SH3D19: variants seen among roughly 807,000 people sequenced by gnomAD.
SH3D19 encodes the protein SH3 domain containing 19, also known as SH3 domain-containing protein 19.
In SH3D19, 58 loss-of-function variants were observed where a neutral mutation model predicts 112.1. The ratio of observed to expected loss-of-function variants is 0.52; its 90% confidence interval spans 0.42 to 0.64. The LOEUF (loss-of-function observed/expected upper bound fraction) is 0.64, where lower values mean the gene tolerates loss of function less well. Among genes scored for constraint, SH3D19 ranks in the 30% least tolerant of loss-of-function variants. SH3D19 has a pLI of 0.00. For missense variants in SH3D19, 1,090 were observed against 1,263.4 expected (o/e 0.86, Z 2.08); for synonymous variants, 391 against 448.5 (o/e 0.87, Z 1.62).
intron 1 of SH3D19, among the ~76,000 whole-genome samples, chr4:151,254,297 T>TTATTTA (rs143764897): frequency 2.0e-5 from 3 of 149,722 alleles, no homozygotes; most frequent in Non-Finnish European, 4.5e-5. Context: ...TTTTTTTTAT[T>TTATTTA]TTTATTTATT....
rs1314857195 is a variant in SH3D19 at position 151,174,977 on chromosome 4, A to G, written c.1227T>C (p.Ser409=). 6.2e-7 allele frequency: 1 copy of G among 1,614,222 alleles called. No individual in the cohort carries two copies. The highest frequency in any genetic ancestry group is 8.5e-7 in the Non-Finnish European group (1 of 1,180,038). The change falls in exon 7 of 20, where the codon TCT becomes TCC. Residue 409 remains serine, a synonymous_variant. Transcript: ENST00000604030. The part of the protein sequence containing the change: ...IPGRGPLAES[S]DSGKKVPTPA... ...GAGTTGGCACTTTCTTCCCACTATC[A>G]GAGCTCTCAGCCAGGGGCCCTCTTC...
At position 151,133,356 on chromosome 4, in the gene SH3D19, G is replaced by C. The variant is rs1561202460; in HGVS notation, c.2487-120C>G. The C allele has an allele frequency of 5.2e-6, 4 of 774,150 alleles. No homozygotes were observed. In the East Asian group the frequency reaches 1.1e-4, roughly 21 times the overall value. 48.0% of individuals were successfully genotyped at this position (774,150 alleles called of 1,614,324 possible). On this transcript the variant is annotated intron_variant, in intron 15 of 19. Coordinates refer to ENST00000604030, the MANE Select transcript of SH3D19 (RefSeq NM_001378122.1). ...GTTTACCATGGAATAAGGTATACTA[G>C]GCTAATTTGAAATTATTCCATGAAA...
intron 9 of SH3D19, among the ~76,000 whole-genome samples, chr4:151,150,079 G>C (rs940648682): frequency 2.7e-5 from 4 of 148,706 alleles, no homozygotes; most frequent in Admixed American, 6.8e-5. Context: ...CAGCTACTTG[G>C]GAGGCTGAGG....
intron 2 of SH3D19, among the ~76,000 whole-genome samples, chr4:151,194,403 G>A (rs1763100714): frequency 1.3e-5 from 2 of 151,964 alleles, no homozygotes; most frequent in South Asian, 4.2e-4. Flanking sequence ...CTAAAGAGGT[G>A]TCTATTAAAT....
At chr4:151,212,438 G>A (rs1363800987) in intron 2 of SH3D19, among the ~76,000 whole-genome samples, 1 of 152,102 alleles carries the variant, frequency 6.6e-6, no homozygotes, top group East Asian at 1.9e-4. Flanking sequence ...AGGGGCACCT[G>A]GCCTCATTTA....
intron 11 of SH3D19, chr4:151,144,351 C>T: frequency 6.7e-7 from 1 of 1,492,578 alleles, no homozygotes; most frequent in East Asian, 2.3e-5. Flanking sequence ...AGTTGCTGAT[C>T]ATTTAGGAAT....
At chr4:151,255,908 C>A (rs899521860) in intron 1 of SH3D19, among the ~76,000 whole-genome samples, 2 of 151,920 alleles carry the variant, frequency 1.3e-5, no homozygotes, top group Non-Finnish European at 2.9e-5. Context: ...CGCAGGCATT[C>A]GGCAGGCTGT....
chr4:151,184,531 C>CA (rs528522449), intron 3 of SH3D19, among the ~76,000 whole-genome samples: 7 of 152,056 alleles, frequency 4.6e-5, no homozygotes, highest in African/African-American at 1.4e-4. Context: ...AGTTAAAAAC[C>CA]AAAAAAACAC....
intron 9 of SH3D19, among the ~76,000 whole-genome samples, chr4:151,158,602 C>G (rs577668501): frequency 1.0e-3 from 152 of 151,194 alleles, no homozygotes; most frequent in Non-Finnish European, 1.9e-3. Context: ...GTCCAGCCAC[C>G]TTTATTCTTT....
intron 1 of SH3D19, among the ~76,000 whole-genome samples, chr4:151,240,135 T>C (rs1198196534): frequency 6.6e-6 from 1 of 151,784 alleles, no homozygotes; most frequent in African/African-American, 2.4e-5. Flanking sequence ...CTGGGCACAA[T>C]GTTATGGGCC....
intron 1 of SH3D19, among the ~76,000 whole-genome samples, chr4:151,321,008 T>G (rs1349400159): frequency 6.6e-6 from 1 of 151,954 alleles, no homozygotes; most frequent in Non-Finnish European, 1.5e-5. Context: ...ACCACAGCAC[T>G]CCAGCCTGGG....
intron 2 of SH3D19, among the ~76,000 whole-genome samples, chr4:151,190,265 T>C (rs1762418081): frequency 6.6e-6 from 1 of 152,144 alleles, no homozygotes; most frequent in Non-Finnish European, 1.5e-5. Context: ...TTGGGGAAAT[T>C]TGCAGCCTGA....
At chr4:151,152,446 T>C (rs747713551) in intron 9 of SH3D19, among the ~76,000 whole-genome samples, 2 of 152,304 alleles carry the variant, frequency 1.3e-5, no homozygotes, top group African/African-American at 4.8e-5. Flanking sequence ...TCCATCTTTT[T>C]GTTCATCTGC....
intron 9 of SH3D19, among the ~76,000 whole-genome samples, chr4:151,158,650 G>C (rs1411516860): frequency 1.4e-5 from 2 of 145,750 alleles, no homozygotes; most frequent in Middle Eastern, 3.6e-3. Context: ...CTGCATGTCT[G>C]TTTCCCCAAG....
intron 2 of SH3D19, among the ~76,000 whole-genome samples, chr4:151,200,882 T>C (rs1764300062): frequency 6.6e-6 from 1 of 152,214 alleles, no homozygotes; most frequent in Non-Finnish European, 1.5e-5. Flanking sequence ...ATCTTACTCA[T>C]TAATATAAAC....
Position 151,282,072 on chromosome 4 carries a change from A to T in SH3D19, c.112+43169T>A, listed in dbSNP as rs949619691. 4.7e-6 allele frequency: 7 copies of T among 1,482,278 alleles called. No homozygotes were observed. In the African/African-American group the frequency reaches 9.7e-5, roughly 21 times the overall value. 91.8% of individuals were successfully genotyped at this position (1,482,278 alleles called of 1,614,324 possible). The stretch of plus-strand genomic sequence containing the variant: ...GGCTACCCTCCTTTCTTGAGTAGAG[A>T]CTTAGTGCTACATATAGGCAGCCTG... On this transcript the variant is annotated intron_variant, in intron 1 of 19. Coordinates refer to ENST00000604030, the MANE Select transcript of SH3D19 (RefSeq NM_001378122.1).
chr4:151,125,110 A>G (rs1271642014), intron 19 of SH3D19, among the ~76,000 whole-genome samples: 1 of 152,084 alleles, frequency 6.6e-6, no homozygotes. Flanking sequence ...ATGTTAAAGG[A>G]AAAAAAGGGA....
rs1290735133 is a variant in SH3D19 at position 151,325,404 on chromosome 4, C to T, written c.-52G>A. On this transcript the variant is annotated 5_prime_UTR_variant, in exon 1 of 20. Transcript: ENST00000604030. ...GATGGCCAGCGAGCTGCGGCCCCGG[C>T]GCCCCAGAACGCCTGCACCCGGCGC... The T allele has an allele frequency of 2.1e-6, 2 of 953,476 alleles. No homozygotes were observed. Among genetic ancestry groups the T allele is most frequent in the African/African-American group, 3.4e-5 (2 of 57,998 alleles). 59.1% of individuals were successfully genotyped at this position (953,476 alleles called of 1,614,324 possible).
intron 1 of SH3D19, among the ~76,000 whole-genome samples, chr4:151,245,696 G>A (rs1292874839): frequency 6.6e-6 from 1 of 152,164 alleles, no homozygotes; most frequent in African/African-American, 2.4e-5. Context: ...CCGCCTCCCA[G>A]GTTCAAGTGA....
Sources: allele counts gnomAD v4.1 joint callset (sites outside exome capture counted in the v4.1 genomes callset), GRCh38; gene constraint gnomAD v4.1.1; transcripts MANE v1.5; gene names NCBI Gene and HGNC (gene_info 2026-07-23, HGNC 2026-07-21).